The following TEK variants were observed in gnomAD, a reference collection of about 807,000 sequenced individuals.
The protein encoded by TEK is angiopoietin-1 receptor.
Under a neutral mutation model 131.8 loss-of-function variants are expected in TEK, and 43 were observed. The observed-to-expected ratio is 0.33, with a 90% CI of 0.26 to 0.42. TEK has a LOEUF of 0.42. Ranked by LOEUF, TEK falls within the 10% of genes least tolerant of loss-of-function variation. The pLI, the probability that TEK is intolerant of heterozygous loss-of-function variation, is 1.00. For synonymous variants in TEK, 580 were observed against 491.6 expected (o/e 1.18, Z -2.38); for missense variants, 1,162 against 1,384.4 (o/e 0.84, Z 2.55).
At chr9:27,185,691 C>T in intron 9 of TEK, 62 bp downstream of exon 9, 4 of 1,599,764 alleles carry the variant, frequency 2.5e-6, no homozygotes, top group South Asian at 2.2e-5. Flanking sequence ...TGTATTGCTG[C>T]TTCTAGACAG....
intron 6 of TEK, among the ~76,000 whole-genome samples, chr9:27,174,896 C>T (rs1824104413): frequency 6.6e-6 from 1 of 152,012 alleles, no homozygotes; most frequent in African/African-American, 2.4e-5. Flanking sequence ...GCGGTGCATG[C>T]CAGCAGTCTC....
intron 2 of TEK, among the ~76,000 whole-genome samples, chr9:27,160,022 T>G (rs935398380): frequency 2.8e-5 from 4 of 143,376 alleles, no homozygotes; most frequent in Admixed American, 6.9e-5. Context: ...TTTTTTTTTT[T>G]TTTTTTTTTT....
At chr9:27,180,844 C>T (rs1422850386) in intron 7 of TEK, among the ~76,000 whole-genome samples, 1 of 152,184 alleles carries the variant, frequency 6.6e-6, no homozygotes, top group East Asian at 1.9e-4. Flanking sequence ...AACTTTAACC[C>T]ACAGACTAAA....
chr9:27,158,081 C>T lies in TEK; in HGVS notation c.303C>T (p.Phe101=). ...EKASKINGAY[F]CEGRVRGEAI... ...CTAGTAAGATCAATGGTGCTTATTT[C>T]TGTGAAGGGCGAGTTCGAGGAGAGG... The change falls in exon 2 of 23, where the codon TTC becomes TTT. Residue 101 remains phenylalanine (F), a synonymous_variant. Coordinates refer to ENST00000380036, the MANE Select transcript of TEK (RefSeq NM_000459.5). 6.2e-7 allele frequency: 1 copy of T among 1,614,138 alleles called. No homozygotes were observed. The highest frequency in any genetic ancestry group is 8.5e-7 in the Non-Finnish European group (1 of 1,180,014).
At chr9:27,173,818 T>C (rs1222109428) in intron 6 of TEK, among the ~76,000 whole-genome samples, 1 of 149,962 alleles carries the variant, frequency 6.7e-6, no homozygotes, top group Non-Finnish European at 1.5e-5. Flanking sequence ...TTGTCCCAGT[T>C]ATTCAGGAGG....
chr9:27,146,201 T>A (rs993134437), intron 1 of TEK, among the ~76,000 whole-genome samples: 1 of 152,252 alleles, frequency 6.6e-6, no homozygotes, highest in Non-Finnish European at 1.5e-5. Flanking sequence ...TGTGGCTATA[T>A]GCTGCAATGA....
At chr9:27,156,886 G>C (rs1823350290) in intron 1 of TEK, among the ~76,000 whole-genome samples, 1 of 151,390 alleles carries the variant, frequency 6.6e-6, no homozygotes, top group Non-Finnish European at 1.5e-5. Flanking sequence ...ACTGGAGCTA[G>C]AGAACATTTT....
chr9:27,213,002 T>A lies in TEK; in HGVS notation c.2877+105T>A. On this transcript the variant is annotated intron_variant, in intron 17 of 22. Coordinates refer to ENST00000380036, the MANE Select transcript of TEK (RefSeq NM_000459.5). ...TGTCAACCTCTCTTCTTTAACTCCT[T>A]CTTAAAATCTCCCTCATTTTAATCT... The A allele has an allele frequency of 7.4e-6, 9 of 1,214,242 alleles. 1 individual carries two copies. The Admixed American group carries it at 1.7e-4, about 22-fold the overall frequency. The allele number at this position is 1,214,242 out of a possible 1,614,324, so 75.2% of individuals were successfully genotyped here.
intron 19 of TEK, among the ~76,000 whole-genome samples, chr9:27,218,253 G>A (rs2131241243): frequency 2.5e-5 from 1 of 40,764 alleles, no homozygotes; most frequent in Middle Eastern, 0.014. Flanking sequence ...AAAAACCAAG[G>A]CCCCGAGGGT....
At chr9:27,142,896 A>G (rs12554455) in intron 1 of TEK, among the ~76,000 whole-genome samples, 2,058 of 152,304 alleles carry the variant, frequency 0.014, 18 homozygotes, top group Admixed American at 0.023. Flanking sequence ...TGCACGTTAA[A>G]GTAACTAGAC....
At chr9:27,116,478 G>T (rs917038330) in intron 1 of TEK, among the ~76,000 whole-genome samples, 1 of 152,060 alleles carries the variant, frequency 6.6e-6, no homozygotes, top group African/African-American at 2.4e-5. Flanking sequence ...TAGTAGAGAC[G>T]GGGCTTCACC....
At chr9:27,191,789 A>C in intron 10 of TEK, 1 of 368,686 alleles carries the variant, frequency 2.7e-6, no homozygotes, top group South Asian at 2.1e-5. Context: ...TTGCTGTCAT[A>C]TGGTGGTAAT....
chr9:27,226,254 T>C (rs1826323253), intron 21 of TEK, among the ~76,000 whole-genome samples: 2 of 152,236 alleles, frequency 1.3e-5, no homozygotes, highest in African/African-American at 4.8e-5. Flanking sequence ...GGATTATAAA[T>C]CATTCTACTA....
chr9:27,137,472 C>T (rs925207389), intron 1 of TEK, among the ~76,000 whole-genome samples: 6 of 151,956 alleles, frequency 3.9e-5, no homozygotes, highest in African/African-American at 1.5e-4. Flanking sequence ...AGAATAGATA[C>T]CTAATTTAAA....
intron 1 of TEK, among the ~76,000 whole-genome samples, chr9:27,135,540 T>C (rs1822392125): frequency 6.6e-6 from 1 of 152,220 alleles, no homozygotes; most frequent in South Asian, 2.1e-4. Context: ...CCACATACTG[T>C]TAATACAGCC....
chr9:27,144,336 T>C (rs1822837987), intron 1 of TEK, among the ~76,000 whole-genome samples: 1 of 151,984 alleles, frequency 6.6e-6, no homozygotes, highest in Non-Finnish European at 1.5e-5. Context: ...GAAGATGCTA[T>C]GGATGATTCA....
chr9:27,219,303 C>CA (rs1309404838), intron 20 of TEK, among the ~76,000 whole-genome samples: 1 of 152,072 alleles, frequency 6.6e-6, no homozygotes, highest in Non-Finnish European at 1.5e-5. Context: ...TATGCAGCCA[C>CA]AAAAAAGAGA....
At position 27,117,026 on chromosome 9, in the gene TEK, T is replaced by A. The variant is rs558845629; in HGVS notation, c.52+7384T>A. Among the ~76,000 whole-genome samples the A allele has an allele frequency of 1.8e-4, 27 of 149,822 alleles. No homozygotes were observed. In the South Asian group the frequency reaches 2.6e-3, roughly 14 times the overall value. ...ACAGGCGCCTGCCACCACGCCCAGCTAATTTTTTTTTTTAATTTTTAGTAG... is the reference window on the plus strand; with the variant it reads ...ACAGGCGCCTGCCACCACGCCCAGCAAATTTTTTTTTTTAATTTTTAGTAG... On this transcript the variant is annotated intron_variant, in intron 1 of 22. Coordinates refer to ENST00000380036, the MANE Select transcript of TEK (RefSeq NM_000459.5).
intron 1 of TEK, among the ~76,000 whole-genome samples, chr9:27,148,074 T>G (rs1398207048): frequency 1.3e-5 from 2 of 152,256 alleles, no homozygotes; most frequent in Non-Finnish European, 2.9e-5. Context: ...GTTGACACAC[T>G]TAGAGTAGTA....
Sources: gnomAD v4.1 joint callset for allele counts (sites outside exome capture counted in the v4.1 genomes callset) on GRCh38, gnomAD v4.1.1 for gene constraint, MANE v1.5 for transcripts, NCBI Gene and HGNC (gene_info 2026-07-23, HGNC 2026-07-21) for gene names.